The following CGNL1 variants were observed in gnomAD, a reference collection of about 807,000 sequenced individuals.
CGNL1 encodes the protein cingulin like 1.
In CGNL1, 132 loss-of-function variants were observed where a neutral mutation model predicts 141.2. That is an observed-to-expected ratio of 0.93 (90% CI 0.81 to 1.08). The LOEUF is 1.08. CGNL1 is among the 50% of genes least tolerant of loss of function. The pLI, the probability that CGNL1 is intolerant of heterozygous loss-of-function variation, is 0.00. For synonymous variants in CGNL1, 690 were observed against 622.1 expected (o/e 1.11, Z -1.63); for missense variants, 1,870 against 1,588.6 (o/e 1.18, Z -3.01).
intron 4 of CGNL1, among the ~76,000 whole-genome samples, chr15:57,450,957 T>C (rs1456700645): frequency 6.6e-6 from 1 of 152,180 alleles, no homozygotes; most frequent in Non-Finnish European, 1.5e-5. Context: ...TCTCCTGATG[T>C]AGTAATTCTC....
chr15:57,442,182 G>GGAA lies in CGNL1; in HGVS notation c.1698-191_1698-190insGAA, dbSNP rs1491455852. On this transcript the variant is annotated intron_variant, in intron 3 of 18. Coordinates refer to ENST00000281282, the MANE Select transcript of CGNL1 (RefSeq NM_032866.5). The stretch of plus-strand genomic sequence containing the variant: ...TTGAGTGGTAACACATCATTTATTT[G>GGAA]AAAAAAAAAAAAAAAAAAAAAGACA... 7.3e-5 allele frequency among the ~76,000 whole-genome samples: 7 copies of GGAA among 96,504 alleles called. 1 individual carries two copies. Among genetic ancestry groups the GGAA allele is most frequent in the Non-Finnish European group, 9.8e-5 (5 of 51,188 alleles). 63.3% of individuals were successfully genotyped at this position (96,504 alleles called of 152,430 possible).
chr15:57,545,061 T>C (rs1372738964), intron 16 of CGNL1, among the ~76,000 whole-genome samples: 1 of 152,146 alleles, frequency 6.6e-6, no homozygotes, highest in Non-Finnish European at 1.5e-5. Context: ...TGGGATCAAG[T>C]GAGCACACTC....
intron 8 of CGNL1, among the ~76,000 whole-genome samples, chr15:57,479,379 A>AG (rs2063696783): frequency 6.6e-6 from 1 of 152,140 alleles, no homozygotes; most frequent in Non-Finnish European, 1.5e-5. Context: ...AAATGGGCAA[A>AG]GGGGCTGGGC....
intron 8 of CGNL1, among the ~76,000 whole-genome samples, chr15:57,465,183 G>A (rs1304563644): frequency 6.6e-6 from 1 of 152,144 alleles, no homozygotes; most frequent in African/African-American, 2.4e-5. Flanking sequence ...TTTAGTAGAT[G>A]GATGCTGTTT....
In CGNL1 at chr15:57,453,835, G is replaced by T. The variant is rs759554937; in HGVS notation, c.2190+17G>T. 2 of 1,612,256 alleles carry T rather than the reference G, an allele frequency of 1.2e-6. No individual in the cohort carries two copies. The highest frequency in any genetic ancestry group is 1.1e-5 in the South Asian group (1 of 90,974). On this transcript the variant is annotated intron_variant, in intron 7 of 18. Transcript: ENST00000281282. Reference sequence around the variant, plus strand: ...CTGATTGAGGTAAGCAGGGCTGTGGGGTCAGGTGATAAGACAGGCCCCACC... The same window carrying T: ...CTGATTGAGGTAAGCAGGGCTGTGGTGTCAGGTGATAAGACAGGCCCCACC...
chr15:57,418,638 A>G (rs1373694226), intron 1 of CGNL1, among the ~76,000 whole-genome samples: 1 of 151,984 alleles, frequency 6.6e-6, no homozygotes, highest in Non-Finnish European at 1.5e-5. Context: ...TCATAATCAC[A>G]CCCTACCTTG....
chr15:57,402,531 T>G (rs2062671522), intron 1 of CGNL1: 1 of 152,328 alleles, frequency 6.6e-6, no homozygotes, highest in Admixed American at 6.5e-5. Context: ...TGCAGAGCCA[T>G]GATCCCAGCC....
At position 57,529,528 on chromosome 15, in the gene CGNL1, A is replaced by G. The variant is rs985016963; in HGVS notation, c.3201+713A>G. On this transcript the variant is annotated intron_variant, in intron 13 of 18. Coordinates refer to ENST00000281282, the MANE Select transcript of CGNL1 (RefSeq NM_032866.5). ...ACTCCATCTGAACTTTTAAAAAAGA[A>G]TAATTCTTAGGAGCAAAACTAACCC... Among the ~76,000 whole-genome samples, 8 of 151,168 alleles carry G rather than the reference A, an allele frequency of 5.3e-5. No individual in the cohort carries two copies. In the East Asian group the frequency reaches 9.7e-4, roughly 18 times the overall value.
At chr15:57,415,061 G>A (rs7180305) in intron 1 of CGNL1, among the ~76,000 whole-genome samples, 38,968 of 152,140 alleles carry the variant, frequency 0.26, 5,518 homozygotes, top group East Asian at 0.34. Context: ...GCAGGAGGCA[G>A]CAGCCTTGGG....
intron 8 of CGNL1, among the ~76,000 whole-genome samples, chr15:57,506,534 C>T (rs2064105442): frequency 6.6e-6 from 1 of 152,156 alleles, no homozygotes; most frequent in African/African-American, 2.4e-5. Context: ...CCCTGAAATG[C>T]AGTCTTGGTG....
intron 6 of CGNL1, among the ~76,000 whole-genome samples, chr15:57,452,624 C>T (rs2063335176): frequency 6.6e-6 from 1 of 152,106 alleles, no homozygotes; most frequent in Non-Finnish European, 1.5e-5. Flanking sequence ...CTGGGCCCAG[C>T]TTCTAAAAAG....
At position 57,547,561 on chromosome 15, in the gene CGNL1, G is replaced by A; in HGVS notation, c.*71G>A. 1 of 1,550,712 alleles carries A rather than the reference G, an allele frequency of 6.4e-7. No homozygotes were observed. The highest frequency in any genetic ancestry group is 8.8e-7 in the Non-Finnish European group (1 of 1,139,438). Reference sequence around the variant, plus strand: ...GCAGCCACCCAAAGTGGGAGGCAGGGAGGGGAGCATCTGTCTGCCACTGAG... The same window carrying A: ...GCAGCCACCCAAAGTGGGAGGCAGGAAGGGGAGCATCTGTCTGCCACTGAG... On this transcript the variant is annotated 3_prime_UTR_variant, in exon 19 of 19. Coordinates refer to ENST00000281282, the MANE Select transcript of CGNL1 (RefSeq NM_032866.5).
chr15:57,397,639 C>T (rs752971599), intron 1 of CGNL1, among the ~76,000 whole-genome samples: 37 of 152,036 alleles, frequency 2.4e-4, no homozygotes, highest in Non-Finnish European at 3.8e-4. Flanking sequence ...TTTTTCCCAT[C>T]GTTTTAATTG....
chr15:57,383,290 TCC>T (rs1291767912), intron 1 of CGNL1, among the ~76,000 whole-genome samples: 4 of 133,640 alleles, frequency 3.0e-5, no homozygotes, highest in Non-Finnish European at 6.3e-5. Flanking sequence ...ATTTCTTTCT[TCC>T]TTTTTTTTTT....
intron 1 of CGNL1, among the ~76,000 whole-genome samples, chr15:57,418,293 T>C (rs1192695656): frequency 2.0e-5 from 3 of 152,228 alleles, no homozygotes; most frequent in South Asian, 4.1e-4. Context: ...ACAAGCGTAA[T>C]GAATATCTTG....
intron 7 of CGNL1, among the ~76,000 whole-genome samples, chr15:57,461,450 A>G (rs2063444974): frequency 1.3e-5 from 2 of 152,114 alleles, no homozygotes; most frequent in African/African-American, 4.8e-5. Context: ...CTCAAATTCA[A>G]TCAAATCTCC....
At chr15:57,404,020 G>C (rs1357322227) in intron 1 of CGNL1, among the ~76,000 whole-genome samples, 2 of 152,232 alleles carry the variant, frequency 1.3e-5, no homozygotes, top group Non-Finnish European at 2.9e-5. Flanking sequence ...CTAGTGCTGG[G>C]TGTCAGACTT....
chr15:57,533,164 G>T (rs1462675091), intron 14 of CGNL1, among the ~76,000 whole-genome samples: 3 of 152,176 alleles, frequency 2.0e-5, no homozygotes, highest in Non-Finnish European at 2.9e-5. Context: ...AGTGAAGAAA[G>T]TTGCAACCCA....
chr15:57,544,360 G>A (rs2032734032), intron 15 of CGNL1, 113 bp from the exon 16 acceptor site: 3 of 1,330,334 alleles, frequency 2.3e-6, no homozygotes, highest in South Asian at 2.9e-5. Flanking sequence ...GGTGTGGAAA[G>A]CAGCCTCATC....
Sources: gnomAD v4.1 joint callset for allele counts (sites outside exome capture counted in the v4.1 genomes callset) on GRCh38, gnomAD v4.1.1 for gene constraint, MANE v1.5 for transcripts, NCBI Gene and HGNC (gene_info 2026-07-23, HGNC 2026-07-21) for gene names.